NACC1: variants seen among roughly 807,000 people sequenced by gnomAD.
NACC1 encodes nucleus accumbens-associated protein 1.
A neutral mutation model predicts 41.7 loss-of-function variants in NACC1; 6 were observed. The observed-to-expected ratio is 0.14, with a 90% confidence interval of 0.08 to 0.28. The LOEUF (loss-of-function observed/expected upper bound fraction) is 0.28, where lower values mean the gene tolerates loss of function less well. Ranked by LOEUF, NACC1 falls within the 10% of genes least tolerant of loss-of-function variation. The pLI is 1.00. For missense variants in NACC1, 434 were observed against 763.7 expected (o/e 0.57, Z 5.09); for synonymous variants, 338 against 330.6 (o/e 1.02, Z -0.24).
chr19:13,134,240 G>A (rs1053925391), intron 1 of NACC1, among the ~76,000 whole-genome samples: 78 of 152,052 alleles, frequency 5.1e-4, no homozygotes, highest in African/African-American at 1.8e-3. Context: ...TGTATTTTTC[G>A]TAAGAGGCAG....
intron 1 of NACC1, among the ~76,000 whole-genome samples, chr19:13,122,223 T>C (rs751329132): frequency 9.2e-5 from 14 of 152,204 alleles, no homozygotes; most frequent in Non-Finnish European, 1.6e-4. Context: ...CTTAGAGACC[T>C]GTGCGTCTTC....
chr19:13,120,175 G>A (rs186064422), intron 1 of NACC1, among the ~76,000 whole-genome samples: 49 of 152,208 alleles, frequency 3.2e-4, no homozygotes, highest in African/African-American at 1.1e-3. Flanking sequence ...TATCTTTCTC[G>A]GAGGCCTGGT....
chr19:13,138,331 G>C lies in NACC1; in HGVS notation c.1509G>C (p.Met503Ile). 1 of 1,614,064 alleles carries C rather than the reference G, an allele frequency of 6.2e-7. No individual in the cohort carries two copies. Among genetic ancestry groups the C allele is most frequent in the Non-Finnish European group, 8.5e-7 (1 of 1,180,034 alleles). The change falls in exon 6 of 6, where the codon ATG (methionine) becomes ATC (isoleucine). Residue 503 changes from methionine to isoleucine, a missense_variant. By Grantham distance (10) the Met-to-Ile change is conservative. Coordinates refer to ENST00000292431, the MANE Select transcript of NACC1 (RefSeq NM_052876.4). This position sits in a 1 kb window ranked among gnomAD's most constrained non-coding sequence, Gnocchi z 5.7. Reference protein sequence around the residue: ...ISETGKIEPDMMGVEHGFETA... With the variant: ...ISETGKIEPDIMGVEHGFETA... ...AAACGGGCAAGATCGAGCCGGACAT[G>C]ATGGGTGTGGAGCATGGCTTCGAGA...
At position 13,138,131 on chromosome 19, in the gene NACC1, C is replaced by T. The variant is rs1311878729; in HGVS notation, c.1325-16C>T. 7 of 1,610,850 alleles carry T rather than the reference C, an allele frequency of 4.3e-6. No homozygotes were observed. The highest frequency in any genetic ancestry group is 5.9e-6 in the Non-Finnish European group (7 of 1,177,458). On this transcript the variant is annotated splice_polypyrimidine_tract_variant and intron_variant, in intron 5 of 5. Coordinates refer to ENST00000292431, the MANE Select transcript of NACC1 (RefSeq NM_052876.4). This position sits in a 1 kb window ranked among gnomAD's most constrained non-coding sequence, Gnocchi z 5.7. ...CCTGGCCCCCGTGCCAAGGCCGCAC[C>T]CACCCTGCCCCACAGACTACTGCCA...
rs972368152 is a variant in NACC1, at chr19:13,136,431, T to C, written c.1120+26T>C. On this transcript the variant is annotated intron_variant, in intron 3 of 5. Transcript: ENST00000292431. The surrounding 1 kb of genome is among the most constrained non-coding windows in gnomAD (Gnocchi z 5.5). ...GTGGGCCGGTCTCGCCCCAGATCTC[T>C]CCCCTCCGCAGCTTTGGAGCCGGCT... The C allele has an allele frequency of 1.9e-6, 3 of 1,590,254 alleles. No homozygotes were observed. Among genetic ancestry groups the C allele is most frequent in the Non-Finnish European group, 2.6e-6 (3 of 1,167,644 alleles).
Position 13,138,760 on chromosome 19 carries a change from C to T in NACC1, c.*354C>T. On this transcript the variant is annotated 3_prime_UTR_variant, in exon 6 of 6. Coordinates refer to ENST00000292431, the MANE Select transcript of NACC1 (RefSeq NM_052876.4). The surrounding 1 kb of genome is among the most constrained non-coding windows in gnomAD (Gnocchi z 5.7). ...GAAGGCCCCTCCCCAGGCCCTAGGC[C>T]ACCTCGCGGAAGCCTTCAGCCTCCG... 3.4e-6 allele frequency: 1 copy of T among 297,960 alleles called. No homozygotes were observed. The highest frequency in any genetic ancestry group is 4.1e-5 in the South Asian group (1 of 24,622). 18.5% of individuals were successfully genotyped at this position (297,960 alleles called of 1,614,324 possible). A position where few individuals can be genotyped will look rare whatever the true frequency, so the allele number is the denominator to read the frequency against.
In NACC1 at chr19:13,125,022, G is replaced by A. The variant is rs567329386; in HGVS notation, c.-9+6568G>A. Among the ~76,000 whole-genome samples the A allele has an allele frequency of 1.4e-4, 21 of 152,246 alleles. 1 individual carries two copies. In the South Asian group the frequency reaches 3.5e-3, roughly 26 times the overall value. On this transcript the variant is annotated intron_variant, in intron 1 of 5. Coordinates refer to ENST00000292431, the MANE Select transcript of NACC1 (RefSeq NM_052876.4). The stretch of plus-strand genomic sequence containing the variant: ...AAAAAATTGTTTTAATTAGCCGGGC[G>A]TGGTGGCACACATCCCTAGTCCCAG...
intron 1 of NACC1, 89 bp from the exon 2 acceptor site, chr19:13,135,111 T>C (rs2019682754): frequency 6.9e-7 from 1 of 1,444,580 alleles, no homozygotes; most frequent in Non-Finnish European, 9.1e-7. Context: ...GGGAGGTCTT[T>C]GGGGCCAGGG....
At chr19:13,124,098 G>A (rs1188863458) in intron 1 of NACC1, among the ~76,000 whole-genome samples, 1 of 152,054 alleles carries the variant, frequency 6.6e-6, no homozygotes, top group East Asian at 1.9e-4. Flanking sequence ...ATCTGTGGGT[G>A]TATAAGAAAA....
In NACC1 at chr19:13,136,508, C is replaced by T; in HGVS notation, c.1120+103C>T. The T allele has an allele frequency of 1.5e-6, 2 of 1,352,988 alleles. No individual in the cohort carries two copies. The highest frequency in any genetic ancestry group is 2.0e-6 in the Non-Finnish European group (2 of 1,007,984). The allele number at this position is 1,352,988 out of a possible 1,614,324, so 83.8% of individuals were successfully genotyped here. A position where few individuals can be genotyped will look rare whatever the true frequency, so the allele number is the denominator to read the frequency against. On this transcript the variant is annotated intron_variant, in intron 3 of 5. Coordinates refer to ENST00000292431, the MANE Select transcript of NACC1 (RefSeq NM_052876.4). This position sits in a 1 kb window ranked among gnomAD's most constrained non-coding sequence, Gnocchi z 5.5. ...TAGGAGCCCCCAGCACCTCAGTTTC[C>T]CTATCTGTGCTGTAGTGTTGGTAAC...
At position 13,136,970 on chromosome 19, in the gene NACC1, C is replaced by A. The variant is rs1026680635; in HGVS notation, c.1121-301C>A. On this transcript the variant is annotated intron_variant, in intron 3 of 5. Transcript: ENST00000292431. This position sits in a 1 kb window ranked among gnomAD's most constrained non-coding sequence, Gnocchi z 5.5. ...TGGGCTCATCTCTAGCTGGTGACAGCCAGCGTGCCCACCTCACACAGGCTT... is the reference window on the plus strand; with the variant it reads ...TGGGCTCATCTCTAGCTGGTGACAGACAGCGTGCCCACCTCACACAGGCTT... 6.6e-6 allele frequency among the ~76,000 whole-genome samples: 1 copy of A among 152,224 alleles called. No individual in the cohort carries two copies. Among genetic ancestry groups the A allele is most frequent in the Admixed American group, 6.5e-5 (1 of 15,288 alleles).
chr19:13,125,742 ACTT>A (rs1201251152), intron 1 of NACC1, among the ~76,000 whole-genome samples: 1 of 145,840 alleles, frequency 6.9e-6, no homozygotes, highest in African/African-American at 2.6e-5. Context: ...TTGATCAACA[ACTT>A]CTTTTTTATT....
intron 1 of NACC1, among the ~76,000 whole-genome samples, chr19:13,119,395 A>T (rs560926895): frequency 2.0e-4 from 30 of 152,252 alleles, no homozygotes; most frequent in Non-Finnish European, 3.2e-4. Flanking sequence ...ACAGTCTGGA[A>T]CACCTAGCTT....
chr19:13,127,891 G>A (rs1299532897), intron 1 of NACC1, among the ~76,000 whole-genome samples: 1 of 152,092 alleles, frequency 6.6e-6, no homozygotes, highest in Admixed American at 6.6e-5. Context: ...ACCAGGGAGA[G>A]TATGAAGAGC....
chr19:13,130,474 C>T (rs1284833773), intron 1 of NACC1, among the ~76,000 whole-genome samples: 2 of 151,988 alleles, frequency 1.3e-5, no homozygotes, highest in Non-Finnish European at 2.9e-5. Flanking sequence ...GAATGTTTGC[C>T]TTCATTGAGC....
Position 13,137,171 on chromosome 19 carries a change from A to G in NACC1, c.1121-100A>G. ...TGAGTTTTCTTGGGACCCAGAGCCCAGCAGGGAGGGCCTGGGGTGTTCTGA... is the reference window on the plus strand; with the variant it reads ...TGAGTTTTCTTGGGACCCAGAGCCCGGCAGGGAGGGCCTGGGGTGTTCTGA... On this transcript the variant is annotated intron_variant, in intron 3 of 5. Transcript: ENST00000292431. The surrounding 1 kb of genome is among the most constrained non-coding windows in gnomAD (Gnocchi z 6.1). 2.6e-6 allele frequency: 3 copies of G among 1,161,998 alleles called. No homozygotes were observed. Among genetic ancestry groups the G allele is most frequent in the Non-Finnish European group, 3.8e-6 (3 of 788,170 alleles). The allele number at this position is 1,161,998 out of a possible 1,614,324, so 72.0% of individuals were successfully genotyped here. A position where few individuals can be genotyped will look rare whatever the true frequency, so the allele number is the denominator to read the frequency against.
rs147514422 is a variant in NACC1, at chr19:13,127,371, C to CTTTTTTTTTTTTTTTTTTTTTT, written c.-8-7821_-8-7800dup. ...AAAAAAAAGCATACATATACATATA[C>CTTTTTTTTTTTTTTTTTTTTTT]TTTTTTTTTTTTTTTTTTTTTTTTT... On this transcript the variant is annotated intron_variant, in intron 1 of 5. Coordinates refer to ENST00000292431, the MANE Select transcript of NACC1 (RefSeq NM_052876.4). Among the ~76,000 whole-genome samples the CTTTTTTTTTTTTTTTTTTTTTT allele has an allele frequency of 2.5e-4, 7 of 28,516 alleles. 2 individuals carry two copies. Among genetic ancestry groups the CTTTTTTTTTTTTTTTTTTTTTT allele is most frequent in the African/African-American group, 6.4e-4 (5 of 7,782 alleles). The allele number at this position is 28,516 out of a possible 152,430, so 18.7% of individuals were successfully genotyped here.
intron 1 of NACC1, 94 bp from the exon 2 acceptor site, chr19:13,135,106 G>A (rs2019682567): frequency 2.1e-6 from 3 of 1,443,242 alleles, no homozygotes; most frequent in African/African-American, 2.9e-5. Flanking sequence ...AGCAGGGGAG[G>A]TCTTTGGGGC....
At position 13,137,207 on chromosome 19, in the gene NACC1, G is replaced by C. The variant is rs779028578; in HGVS notation, c.1121-64G>C. ...CCTGGGGTGTTCTGAGATGAGGCCT[G>C]GTATCATGGGGGCTGTGGCGGTTTG... On this transcript the variant is annotated intron_variant, in intron 3 of 5. Coordinates refer to ENST00000292431, the MANE Select transcript of NACC1 (RefSeq NM_052876.4). The surrounding 1 kb of genome is among the most constrained non-coding windows in gnomAD (Gnocchi z 6.1). 46 of 1,504,070 alleles carry C rather than the reference G, an allele frequency of 3.1e-5. No homozygotes were observed. The highest frequency in any genetic ancestry group is 3.8e-5 in the Non-Finnish European group (41 of 1,083,288). The allele number at this position is 1,504,070 out of a possible 1,614,324, so 93.2% of individuals were successfully genotyped here. A position where few individuals can be genotyped will look rare whatever the true frequency, so the allele number is the denominator to read the frequency against.
Sources: gnomAD v4.1 joint callset for allele counts (sites outside exome capture counted in the v4.1 genomes callset) on GRCh38, gnomAD v4.1.1 for gene constraint, Gnocchi (gnomAD v3.1) non-coding constraint, MANE v1.5 for transcripts, NCBI Gene and HGNC (gene_info 2026-07-23, HGNC 2026-07-21) for gene names.